The following AP3B1 variants were observed in gnomAD, a reference collection of about 807,000 sequenced individuals.
AP3B1 encodes the protein AP-3 complex subunit beta-1.
A neutral mutation model predicts 132.5 loss-of-function variants in AP3B1; 61 were observed. The observed-to-expected ratio is 0.46, with a 90% CI of 0.37 to 0.57. AP3B1 has a LOEUF of 0.57. Ranked by LOEUF, AP3B1 falls within the 20% of genes least tolerant of loss-of-function variation. AP3B1 has a pLI of 0.00. For missense variants in AP3B1, 1,120 were observed against 1,289.4 expected (o/e 0.87, Z 2.01); for synonymous variants, 388 against 438.3 (o/e 0.89, Z 1.43).
chr5:78,262,998 G>C (rs952947510), intron 2 of AP3B1, among the ~76,000 whole-genome samples: 2 of 150,952 alleles, frequency 1.3e-5, no homozygotes, highest in Non-Finnish European at 3.0e-5. Context: ...GGTTGTTTTG[G>C]CTATTCAGGG....
At chr5:78,087,729 C>A in intron 22 of AP3B1, 1 of 980,118 alleles carries the variant, frequency 1.0e-6, no homozygotes. Flanking sequence ...CTGTCAATTA[C>A]TTTGTGATGA....
intron 26 of AP3B1, among the ~76,000 whole-genome samples, chr5:78,005,100 G>A (rs574715053): frequency 6.6e-6 from 1 of 152,310 alleles, no homozygotes; most frequent in South Asian, 2.1e-4. Context: ...AGGATATGAG[G>A]TGGCTCTATT....
At chr5:78,184,682 G>A (rs1231523480) in intron 7 of AP3B1, among the ~76,000 whole-genome samples, 1 of 123,610 alleles carries the variant, frequency 8.1e-6, no homozygotes, top group East Asian at 2.5e-4. Context: ...GCGAGACACT[G>A]TCTCAAAAAA....
Position 78,039,288 on chromosome 5 carries a change from C to CA in AP3B1, c.2578-15dup, listed in dbSNP as rs1305967788. 7.6e-6 allele frequency: 12 copies of CA among 1,585,858 alleles called. No homozygotes were observed. Among genetic ancestry groups the CA allele is most frequent in the Non-Finnish European group, 1.0e-5 (12 of 1,157,954 alleles). ...AGGAGTACTGACCTATTACACACGG[C>CA]AAAAAGAAAAAAAGATGAGTTAGTG... On this transcript the variant is annotated splice_polypyrimidine_tract_variant and intron_variant, in intron 22 of 26. Transcript: ENST00000255194.
At chr5:78,056,457 C>T (rs567349039) in intron 22 of AP3B1, among the ~76,000 whole-genome samples, 2 of 152,318 alleles carry the variant, frequency 1.3e-5, no homozygotes, top group African/African-American at 4.8e-5. Flanking sequence ...CACGTTAAAA[C>T]ACCAATCTGT....
chr5:78,041,185 A>G (rs1410109127), intron 22 of AP3B1, among the ~76,000 whole-genome samples: 7 of 151,214 alleles, frequency 4.6e-5, no homozygotes, highest in African/African-American at 1.7e-4. Context: ...GAGGCAGGAG[A>G]ATGGCTTGAA....
At chr5:78,034,237 A>G (rs1747701330) in intron 24 of AP3B1, 124 bp downstream of exon 24, 1 of 783,544 alleles carries the variant, frequency 1.3e-6, no homozygotes, top group East Asian at 2.6e-5. Context: ...AAACATTATC[A>G]AAGCAAAACA....
intron 18 of AP3B1, 25 bp from the exon 19 acceptor site, chr5:78,113,948 T>TA (rs1561415442): frequency 1.2e-6 from 2 of 1,610,554 alleles, no homozygotes; most frequent in Non-Finnish European, 1.7e-6. Flanking sequence ...CAGATGTTCT[T>TA]AGATTTATAG....
chr5:78,242,216 G>A (rs1747166799), intron 2 of AP3B1, among the ~76,000 whole-genome samples: 1 of 152,118 alleles, frequency 6.6e-6, no homozygotes, highest in East Asian at 1.9e-4. Flanking sequence ...TCTGACCTAA[G>A]GTTCTATTAA....
chr5:78,118,722 G>A (rs954975421), intron 17 of AP3B1, among the ~76,000 whole-genome samples: 5 of 152,242 alleles, frequency 3.3e-5, no homozygotes, highest in African/African-American at 1.2e-4. Context: ...AGGCCTGCCT[G>A]CCTCTGTAGG....
chr5:78,127,941 A>G, intron 17 of AP3B1, 89 bp downstream of exon 17: 1 of 1,488,986 alleles, frequency 6.7e-7, no homozygotes, highest in South Asian at 1.1e-5. Flanking sequence ...TCAATTTTCA[A>G]CTCTCCAAAA....
chr5:78,172,567 G>A (rs1743964743), intron 11 of AP3B1, among the ~76,000 whole-genome samples: 1 of 152,062 alleles, frequency 6.6e-6, no homozygotes, highest in East Asian at 1.9e-4. Context: ...TATTTCTGTG[G>A]GATTGGTGGT....
At chr5:78,193,006 T>C (rs550496620) in intron 7 of AP3B1, among the ~76,000 whole-genome samples, 200 of 152,330 alleles carry the variant, frequency 1.3e-3, no homozygotes, top group Non-Finnish European at 1.8e-3. Context: ...ATGATTAATA[T>C]GTTCAAGGAA....
chr5:78,024,216 G>A (rs1747230024), intron 24 of AP3B1, among the ~76,000 whole-genome samples: 1 of 151,958 alleles, frequency 6.6e-6, no homozygotes, highest in African/African-American at 2.4e-5. Flanking sequence ...GAAGATGTAT[G>A]TATACATACA....
At chr5:78,162,994 G>T in intron 12 of AP3B1, 43 bp from the exon 13 acceptor site, 1 of 1,586,508 alleles carries the variant, frequency 6.3e-7, no homozygotes, top group South Asian at 1.1e-5. Flanking sequence ...TGGTATTATT[G>T]AGTTAACCAA....
intron 23 of AP3B1, 25 bp downstream of exon 23, chr5:78,039,018 G>A (rs766356766): frequency 7.2e-7 from 1 of 1,385,160 alleles, no homozygotes; most frequent in Non-Finnish European, 1.0e-6. Context: ...TATAGTTAAG[G>A]TTTTAAATGA....
intron 7 of AP3B1, among the ~76,000 whole-genome samples, chr5:78,195,285 T>C (rs1460409569): frequency 6.6e-6 from 1 of 152,182 alleles, no homozygotes; most frequent in Non-Finnish European, 1.5e-5. Flanking sequence ...TACATAGGGA[T>C]TCGTTGAACT....
intron 22 of AP3B1, chr5:78,087,596 G>A (rs1197498275): frequency 2.0e-6 from 2 of 985,192 alleles, no homozygotes; most frequent in South Asian, 4.7e-5. Context: ...TGAGTGTTGT[G>A]GTCCTGCTTC....
intron 3 of AP3B1, 50 bp downstream of exon 3, chr5:78,240,812 G>C: frequency 4.0e-6 from 5 of 1,257,856 alleles, no homozygotes; most frequent in Non-Finnish European, 5.8e-6. Flanking sequence ...AAAAGTGTAC[G>C]GTCCCATGAA....
Sources: gnomAD v4.1 joint callset for allele counts (sites outside exome capture counted in the v4.1 genomes callset) on GRCh38, gnomAD v4.1.1 for gene constraint, MANE v1.5 for transcripts, NCBI Gene and HGNC (gene_info 2026-07-23, HGNC 2026-07-21) for gene names.